ADGRG1: variants seen among roughly 807,000 people sequenced by gnomAD.
ADGRG1 encodes 7-transmembrane protein with no EGF-like N-terminal domains-1.
ADGRG1 carries 53 observed loss-of-function variants against 73.5 expected under a neutral mutation model. That is an observed-to-expected ratio of 0.72 (90% CI 0.58 to 0.91). The LOEUF (loss-of-function observed/expected upper bound fraction) is 0.91, where lower values mean the gene tolerates loss of function less well. ADGRG1 is among the 40% of genes least tolerant of loss of function. The pLI is 0.00. For missense variants in ADGRG1, 795 were observed against 871.8 expected (o/e 0.91, Z 1.11); for synonymous variants, 394 against 374.4 (o/e 1.05, Z -0.60).
At position 57,665,265 on chromosome 16, in the gene ADGRG1, C is replaced by T. The variant is rs1266287122; in HGVS notation, c.*1683C>T. On this transcript the variant is annotated 3_prime_UTR_variant, in exon 14 of 14. Coordinates refer to ENST00000562631, the MANE Select transcript of ADGRG1 (RefSeq NM_201525.4). The stretch of plus-strand genomic sequence containing the variant: ...GGGGAGGCAATGGGGAGTGGTGGGG[C>T]CTGTGGCGAACTGGAGACTCCCAAC... The T allele has an allele frequency of 1.3e-5, 2 of 152,192 alleles. No individual in the cohort carries two copies. The highest frequency in any genetic ancestry group is 1.9e-4 in the East Asian group (1 of 5,188). 9.4% of individuals were successfully genotyped at this position (152,192 alleles called of 1,614,324 possible).
At chr16:57,623,105 G>A, upstream of ADGRG1, 1 of 977,950 alleles carries the variant, frequency 1.0e-6, no homozygotes, top group Non-Finnish European at 1.2e-6. Flanking sequence ...TTCCCTCTCT[G>A]AGTCTCAGTC....
At chr16:57,630,543 G>A (rs2037535498) in intron 1 of ADGRG1, 5 of 985,194 alleles carry the variant, frequency 5.1e-6, no homozygotes, top group Non-Finnish European at 6.0e-6. Context: ...AGAGTGTCGG[G>A]TGATGGAGAA....
chr16:57,662,881 G>A, intron 13 of ADGRG1: 1 of 978,790 alleles, frequency 1.0e-6, no homozygotes, highest in Non-Finnish European at 1.2e-6. Flanking sequence ...CTCTCATGGG[G>A]TTCAAGGCCA....
chr16:57,644,026 G>A (rs2041562404), intron 1 of ADGRG1: 3 of 985,184 alleles, frequency 3.0e-6, no homozygotes, highest in Admixed American at 6.1e-5. Context: ...TTTGGAAACC[G>A]TTGGAGGGAG....
Position 57,660,673 on chromosome 16 carries a change from A to G in ADGRG1, c.1556-95A>G, listed in dbSNP as rs115797036. ...GGTGGGCTTCAGGAGCCCAAACTTC[A>G]GAGGGGCCCTTGCCCTCCAGACTCC... On this transcript the variant is annotated intron_variant, in intron 11 of 13. Transcript: ENST00000562631. 5,464 of 1,517,742 alleles carry G rather than the reference A, an allele frequency of 3.6e-3. 186 individuals carry two copies. In the African/African-American group the frequency reaches 0.066, roughly 18 times the overall value. The allele number at this position is 1,517,742 out of a possible 1,614,324, so 94.0% of individuals were successfully genotyped here. A position where few individuals can be genotyped will look rare whatever the true frequency, so the allele number is the denominator to read the frequency against.
At chr16:57,663,413 C>T (rs1484972283) in intron 13 of ADGRG1, 39 bp from the exon 14 acceptor site, 33 of 1,609,702 alleles carry the variant, frequency 2.1e-5, no homozygotes, top group Non-Finnish European at 2.7e-5. Flanking sequence ...TGGGGTGGGG[C>T]TCCCCCACCT....
intron 13 of ADGRG1, 81 bp downstream of exon 13, chr16:57,662,046 C>A (rs959131439): frequency 2.1e-5 from 24 of 1,134,154 alleles, no homozygotes; most frequent in Middle Eastern, 3.9e-4. Flanking sequence ...CCCAGGGAAC[C>A]TGAAGACTTC....
chr16:57,644,849 G>A lies in ADGRG1; in HGVS notation c.-35-5404G>A, dbSNP rs546960629. Among the ~76,000 whole-genome samples the A allele has an allele frequency of 4.1e-4, 51 of 124,226 alleles. 1 individual carries two copies. The East Asian group carries it at 0.012, about 28-fold the overall frequency. The allele number at this position is 124,226 out of a possible 152,430, so 81.5% of individuals were successfully genotyped here. ...GCACACACTGATCACACTCATGCAG[G>A]GCACACACACCCATGCACACACACA... On this transcript the variant is annotated intron_variant, in intron 1 of 13. Coordinates refer to ENST00000562631, the MANE Select transcript of ADGRG1 (RefSeq NM_201525.4).
intron 4 of ADGRG1, 39 bp from the exon 5 acceptor site, chr16:57,653,947 C>T: frequency 1.2e-6 from 2 of 1,612,832 alleles, no homozygotes; most frequent in Admixed American, 1.7e-5. Context: ...TGGCCCGGCC[C>T]CCTCCCCACC....
chr16:57,647,287 G>A (rs1464091246), intron 1 of ADGRG1: 26 of 985,220 alleles, frequency 2.6e-5, no homozygotes, highest in African/African-American at 5.2e-5. Context: ...GCACTCTCCC[G>A]GAAAGGAAGC....
intron 1 of ADGRG1, 126 bp from the exon 2 acceptor site, chr16:57,650,127 G>A: frequency 6.6e-7 from 1 of 1,519,756 alleles, no homozygotes; most frequent in Admixed American, 2.0e-5. Context: ...AGGTCCATGG[G>A]CTTTTTCCAC....
At chr16:57,641,448 G>C (rs1240229204) in intron 1 of ADGRG1, 1 of 982,588 alleles carries the variant, frequency 1.0e-6, no homozygotes, top group African/African-American at 1.8e-5. Flanking sequence ...CAGAGTCTTC[G>C]GACTGCTGGC....
At chr16:57,648,413 C>T (rs2043204572) in intron 1 of ADGRG1, 2 of 972,218 alleles carry the variant, frequency 2.1e-6, no homozygotes, top group Non-Finnish European at 2.4e-6. Flanking sequence ...CTCTGTGATG[C>T]CACCAGGGCA....
intron 2 of ADGRG1, 105 bp downstream of exon 2, chr16:57,650,456 G>A (rs1054838875): frequency 1.3e-6 from 2 of 1,598,640 alleles, no homozygotes; most frequent in Non-Finnish European, 1.7e-6. Context: ...GGCAGTTACA[G>A]CTCGGCTAGT....
chr16:57,647,586 G>A, intron 1 of ADGRG1: 2 of 401,812 alleles, frequency 5.0e-6, no homozygotes, highest in Non-Finnish European at 6.8e-6. Flanking sequence ...GCCCAGAGAA[G>A]GTGAGTAACT....
chr16:57,621,897 A>T, intron 2 of ADGRG1: 1 of 983,960 alleles, frequency 1.0e-6, no homozygotes, highest in Non-Finnish European at 1.2e-6. Context: ...TAGTTCAGGA[A>T]GGGAGGTTTC....
At chr16:57,629,108 G>A in intron 1 of ADGRG1, 2 of 881,856 alleles carry the variant, frequency 2.3e-6, no homozygotes, top group Non-Finnish European at 2.7e-6. Flanking sequence ...GTGTGGATGT[G>A]TGCATCCGTG....
chr16:57,645,198 G>A, intron 1 of ADGRG1: 2 of 985,476 alleles, frequency 2.0e-6, no homozygotes, highest in Non-Finnish European at 2.4e-6. Flanking sequence ...GAGAGCAGCT[G>A]CGGACGGGAG....
chr16:57,639,702 C>T lies in ADGRG1; in HGVS notation c.-35-10551C>T, dbSNP rs1597244979. On this transcript the variant is annotated intron_variant, in intron 1 of 13. Coordinates refer to ENST00000562631, the MANE Select transcript of ADGRG1 (RefSeq NM_201525.4). The stretch of plus-strand genomic sequence containing the variant: ...TTCTCCCGCCTCCTCTCCCCTCCTC[C>T]CCGTCCCTTTCACTCCTGCTCCCTC... The T allele has an allele frequency of 6.2e-6, 6 of 974,226 alleles. No individual in the cohort carries two copies. The Admixed American group carries it at 1.8e-4, about 30-fold the overall frequency. 60.3% of individuals were successfully genotyped at this position (974,226 alleles called of 1,614,324 possible).
Sources: gnomAD v4.1 joint callset for allele counts (sites outside exome capture counted in the v4.1 genomes callset) on GRCh38, gnomAD v4.1.1 for gene constraint, MANE v1.5 for transcripts, NCBI Gene and HGNC (gene_info 2026-07-23, HGNC 2026-07-21) for gene names.